EGF: variants seen among roughly 807,000 people sequenced by gnomAD.
EGF encodes the protein pro-epidermal growth factor.
EGF carries 95 observed loss-of-function variants against 143.8 expected under a neutral mutation model. The observed-to-expected ratio is 0.66, with a 90% CI of 0.56 to 0.78. The LOEUF (loss-of-function observed/expected upper bound fraction) is 0.78, where lower values mean the gene tolerates loss of function less well. Ranked by LOEUF, EGF falls within the 30% of genes least tolerant of loss-of-function variation. EGF has a pLI of 0.00. For missense variants in EGF, 1,320 were observed against 1,470.9 expected, an observed-to-expected ratio of 0.90 and a Z score of 1.68; for synonymous variants, 510 against 510.5, an observed-to-expected ratio of 1.00 and a Z score of 0.01.
chr4:109,992,451 T>C (rs963488820), intron 18 of EGF: 1 of 152,118 alleles, frequency 6.6e-6, no homozygotes, highest in African/African-American at 2.4e-5. Context: ...AAACAACAGG[T>C]GCTGGAGAGG....
At chr4:109,979,782 G>A (rs1241289680) in intron 13 of EGF, among the ~76,000 whole-genome samples, 190 bp from the exon 14 acceptor site, 1 of 152,162 alleles carries the variant, frequency 6.6e-6, no homozygotes, top group Non-Finnish European at 1.5e-5. Flanking sequence ...CCATTCTAAG[G>A]TGACGTTCCC....
chr4:109,961,123 T>C (rs934941001), intron 7 of EGF, 134 bp downstream of exon 7: 2 of 1,074,714 alleles, frequency 1.9e-6, no homozygotes, highest in African/African-American at 1.6e-5. Context: ...TTATTTTGTT[T>C]GGCTTTTTAA....
intron 21 of EGF, among the ~76,000 whole-genome samples, chr4:110,003,768 A>G (rs971104747): frequency 3.9e-5 from 6 of 151,956 alleles, no homozygotes; most frequent in African/African-American, 7.3e-5. Flanking sequence ...AGTACTCTAA[A>G]AAACTGGATT....
intron 1 of EGF, among the ~76,000 whole-genome samples, chr4:109,920,890 T>A (rs781262790): frequency 6.6e-6 from 1 of 151,590 alleles, no homozygotes; most frequent in Non-Finnish European, 1.5e-5. Context: ...ATTCACTTTG[T>A]AGAGATTCTT....
chr4:110,001,911 T>C, intron 21 of EGF: 7 of 985,456 alleles, frequency 7.1e-6, no homozygotes, highest in Non-Finnish European at 8.4e-6. Flanking sequence ...CTAACAATTC[T>C]GATCAGTGTA....
At position 110,011,333 on chromosome 4, in the gene EGF, C is replaced by A; in HGVS notation, c.3502C>A (p.Pro1168Thr). The A allele has an allele frequency of 5.6e-6, 9 of 1,614,154 alleles. No homozygotes were observed. The highest frequency in any genetic ancestry group is 7.6e-6 in the Non-Finnish European group (9 of 1,180,024). The change falls in exon 24 of 24, where the codon CCC becomes ACC. Residue 1168 changes from proline to threonine, a missense_variant. Physicochemically the swap from Pro to Thr is conservative, Grantham distance 38. Transcript: ENST00000265171. ...PQVMERSFHM[P>T]SYGTQTLEGG... ...GGTAATGGAGCGAAGCTTTCATATG[C>A]CCTCCTATGGGACACAGACCCTTGA...
At chr4:109,961,753 C>T in intron 7 of EGF, 110 bp from the exon 8 acceptor site, 1 of 1,424,828 alleles carries the variant, frequency 7.0e-7, no homozygotes, top group Non-Finnish European at 9.7e-7. Flanking sequence ...AATCCCAACA[C>T]TTTGGGAGGT....
chr4:109,970,824 C>CAAAAAAA lies in EGF; in HGVS notation c.1724+1721_1724+1727dup, dbSNP rs371512157. Among the ~76,000 whole-genome samples, 160 of 72,954 alleles carry CAAAAAAA rather than the reference C, an allele frequency of 2.2e-3. 5 individuals carry two copies. The highest frequency in any genetic ancestry group is 3.5e-3 in the African/African-American group (63 of 18,194). The allele number at this position is 72,954 out of a possible 152,430, so 47.9% of individuals were successfully genotyped here. On this transcript the variant is annotated intron_variant, in intron 11 of 23. Transcript: ENST00000265171. ...TGGGTGGCAGAGCGAGACTCCGTCT[C>CAAAAAAA]AAAAAAAAAAAAAAAAAAAAAATCT...
In EGF at chr4:109,987,819, A is replaced by G. The variant is rs745691794; in HGVS notation, c.2567A>G (p.Gln856Arg). 1.2e-6 allele frequency: 2 copies of G among 1,613,956 alleles called. No individual in the cohort carries two copies. The highest frequency in any genetic ancestry group is 2.2e-5 in the East Asian group (1 of 44,878). The stretch of plus-strand genomic sequence containing the variant: ...TCAGAGGGAGAGGATGCCACATGTC[A>G]GTGTTTGAAAGGATTTGCTGGGGAT... The part of the protein sequence containing the change: ...CISEGEDATC[Q>R]CLKGFAGDGK... The change falls in exon 17 of 24, where the codon CAG (glutamine) becomes CGG (arginine). Residue 856 changes from glutamine (Q) to arginine (R), a missense_variant. By Grantham distance (43) the Gln-to-Arg change is conservative. Transcript: ENST00000265171.
intron 1 of EGF, among the ~76,000 whole-genome samples, chr4:109,932,546 T>G (rs190065527): frequency 0.012 from 1,767 of 150,948 alleles, 14 homozygotes; most frequent in South Asian, 0.025. Context: ...GCCTGGCTAA[T>G]TTTTTGTATT....
chr4:109,977,939 T>G (rs1713463898), intron 13 of EGF, among the ~76,000 whole-genome samples: 1 of 152,268 alleles, frequency 6.6e-6, no homozygotes, highest in South Asian at 2.1e-4. Flanking sequence ...AACCCGAATG[T>G]GAGGACACTA....
At chr4:109,915,315 T>A (rs28729403) in intron 1 of EGF, among the ~76,000 whole-genome samples, 2,442 of 152,262 alleles carry the variant, frequency 0.016, 67 homozygotes, top group African/African-American at 0.055. Flanking sequence ...GCTTTTAGGA[T>A]TTTTTTGTGG....
At chr4:109,986,797 C>T (rs1750188058) in intron 16 of EGF, among the ~76,000 whole-genome samples, 2 of 151,472 alleles carry the variant, frequency 1.3e-5, no homozygotes, top group Admixed American at 6.6e-5. Context: ...TAACTCTGTT[C>T]CCCAGGGCAC....
At position 109,959,230 on chromosome 4, in the gene EGF, C is replaced by G. The variant is rs149112316; in HGVS notation, c.941-82C>G. ...CTGTAGACGTTGTAGGGAGGTAAGA[C>G]CTCTTAAGAATCAGGAAAAGATTTA... On this transcript the variant is annotated intron_variant, in intron 5 of 23. Coordinates refer to ENST00000265171, the MANE Select transcript of EGF (RefSeq NM_001963.6). The G allele has an allele frequency of 3.1e-5, 49 of 1,596,490 alleles. 1 individual carries two copies. The African/African-American group carries it at 5.8e-4, about 19-fold the overall frequency.
At chr4:109,980,254 CTG>C (rs1749147780) in intron 14 of EGF, 115 bp downstream of exon 14, 8 of 1,098,452 alleles carry the variant, frequency 7.3e-6, no homozygotes, top group Non-Finnish European at 1.0e-5. Flanking sequence ...CTTTCACTAA[CTG>C]TGTAGATGTT....
chr4:109,926,350 CTT>C lies in EGF; in HGVS notation c.127+12907_127+12908del, dbSNP rs60679717. On this transcript the variant is annotated intron_variant, in intron 1 of 23. Transcript: ENST00000265171. ...CCTGGGCAACAGAGTGAGACACTGT[CTT>C]TTTTTTTTTTTTTTTTTTCCGAGAC... Among the ~76,000 whole-genome samples the C allele has an allele frequency of 3.6e-3, 453 of 124,478 alleles. 1 individual carries two copies. Among genetic ancestry groups the C allele is most frequent in the African/African-American group, 0.013 (393 of 31,440 alleles). The allele number at this position is 124,478 out of a possible 152,430, so 81.7% of individuals were successfully genotyped here.
chr4:109,995,002 T>C (rs1751568635), intron 20 of EGF, 122 bp downstream of exon 20: 3 of 1,258,688 alleles, frequency 2.4e-6, no homozygotes, highest in Non-Finnish European at 3.4e-6. Flanking sequence ...TGGAAAAATA[T>C]AAACATACAC....
intron 22 of EGF, among the ~76,000 whole-genome samples, chr4:110,006,250 C>G (rs1209688587): frequency 6.5e-5 from 9 of 137,972 alleles, no homozygotes; most frequent in African/African-American, 2.2e-4. Flanking sequence ...GAGACTGAAG[C>G]AGGAGGGTCA....
In EGF at chr4:109,913,764, A is replaced by G. The variant is rs11098053; in HGVS notation, c.127+302A>G. ...AGCTTTTACTCTGACAAGAGGAGTA[A>G]TTAACACCTGGCTAATTGCTTGGAA... On this transcript the variant is annotated intron_variant, in intron 1 of 23. Coordinates refer to ENST00000265171, the MANE Select transcript of EGF (RefSeq NM_001963.6). 0.031 allele frequency among the ~76,000 whole-genome samples: 4,749 copies of G among 152,046 alleles called. 269 individuals carry two copies. Among genetic ancestry groups the G allele is most frequent in the East Asian group, 0.19 (958 of 5,038 alleles).
Sources: allele counts gnomAD v4.1 joint callset (sites outside exome capture counted in the v4.1 genomes callset), GRCh38; gene constraint gnomAD v4.1.1; transcripts MANE v1.5; gene names NCBI Gene and HGNC (gene_info 2026-07-23, HGNC 2026-07-21).